LRRC4C: variants seen among roughly 807,000 people sequenced by gnomAD.
LRRC4C encodes the protein leucine rich repeat containing 4C, also known as leucine-rich repeat-containing protein 4C.
A neutral mutation model predicts 33.6 loss-of-function variants in LRRC4C; 5 were observed. The observed-to-expected ratio is 0.15, with a 90% CI of 0.08 to 0.31. The LOEUF (loss-of-function observed/expected upper bound fraction) is 0.31. Ranked by LOEUF, LRRC4C falls within the 10% of genes least tolerant of loss-of-function variation. The pLI, the probability that LRRC4C is intolerant of heterozygous loss-of-function variation, is 1.00. For synonymous variants in LRRC4C, 329 were observed against 302.0 expected, an observed-to-expected ratio of 1.09 and a Z score of -0.93; for missense variants, 560 against 796.7, an observed-to-expected ratio of 0.70 and a Z score of 3.58.
chr11:41,457,092 T>C (rs1159198173), intron 1 of LRRC4C, among the ~76,000 whole-genome samples: 1 of 152,210 alleles, frequency 6.6e-6, no homozygotes, highest in Non-Finnish European at 1.5e-5. Context: ...ACCAAGTTGG[T>C]ATCTTTTGTT....
At chr11:41,334,319 T>C (rs996279486) in intron 1 of LRRC4C, among the ~76,000 whole-genome samples, 3 of 152,230 alleles carry the variant, frequency 2.0e-5, no homozygotes, top group African/African-American at 7.2e-5. Flanking sequence ...AGCCTTTACC[T>C]GTGTTTTCTA....
intron 3 of LRRC4C, among the ~76,000 whole-genome samples, chr11:40,597,505 C>G (rs1959474467): frequency 6.6e-6 from 1 of 152,146 alleles, no homozygotes; most frequent in African/African-American, 2.4e-5. Flanking sequence ...CACTTCTCAT[C>G]ATTTTTAAGC....
chr11:41,102,509 C>T (rs183417317), intron 1 of LRRC4C, among the ~76,000 whole-genome samples: 2 of 151,950 alleles, frequency 1.3e-5, no homozygotes, highest in African/African-American at 2.4e-5. Flanking sequence ...AACCACAGGA[C>T]CTTCTGGCTA....
At chr11:40,210,626 T>G (rs1863526473) in intron 5 of LRRC4C, among the ~76,000 whole-genome samples, 1 of 152,190 alleles carries the variant, frequency 6.6e-6, no homozygotes, top group African/African-American at 2.4e-5. Flanking sequence ...CAACTCACCC[T>G]TTCCATCCTG....
At chr11:40,574,755 A>C (rs1472280203) in intron 3 of LRRC4C, among the ~76,000 whole-genome samples, 1 of 151,998 alleles carries the variant, frequency 6.6e-6, no homozygotes, top group East Asian at 1.9e-4. Flanking sequence ...TCTCCATACA[A>C]CAGGAGACAT....
chr11:40,665,270 C>T (rs1300375804), intron 2 of LRRC4C, among the ~76,000 whole-genome samples: 1 of 117,916 alleles, frequency 8.5e-6, no homozygotes, highest in Non-Finnish European at 1.8e-5. Flanking sequence ...AAACAACCAG[C>T]TTGAGAAGAA....
At chr11:41,131,767 G>T (rs866457301) in intron 1 of LRRC4C, among the ~76,000 whole-genome samples, 2 of 152,038 alleles carry the variant, frequency 1.3e-5, no homozygotes, top group African/African-American at 4.8e-5. Flanking sequence ...GACCAAGATG[G>T]CAATAAAAGT....
intron 5 of LRRC4C, among the ~76,000 whole-genome samples, chr11:40,150,737 C>A (rs1858131705): frequency 6.6e-6 from 1 of 152,164 alleles, no homozygotes. Flanking sequence ...CCACCGTGCC[C>A]AGCCTGATTT....
intron 1 of LRRC4C, among the ~76,000 whole-genome samples, chr11:41,249,192 G>A (rs1049367125): frequency 1.9e-4 from 29 of 151,856 alleles, no homozygotes; most frequent in African/African-American, 6.5e-4. Context: ...CTGCCACCAC[G>A]CCTGGCTAAT....
chr11:40,313,032 C>A (rs969283463), intron 4 of LRRC4C, among the ~76,000 whole-genome samples: 1 of 152,102 alleles, frequency 6.6e-6, no homozygotes, highest in African/African-American at 2.4e-5. Flanking sequence ...GTGGTCTTAG[C>A]TTTACTTTAC....
At position 40,741,434 on chromosome 11, in the gene LRRC4C, G is replaced by T. The variant is rs546116324; in HGVS notation, c.-406-93156C>A. On this transcript the variant is annotated intron_variant, in intron 2 of 6. Coordinates refer to ENST00000528697, the MANE Select transcript of LRRC4C (RefSeq NM_001258419.2). ...GAAGTCCACTGGATGCCTGAACAGCGCATTTTACTTGGGACAACTACCCCA... is the reference window on the plus strand; with the variant it reads ...GAAGTCCACTGGATGCCTGAACAGCTCATTTTACTTGGGACAACTACCCCA... 2.6e-5 allele frequency among the ~76,000 whole-genome samples: 4 copies of T among 151,958 alleles called. No homozygotes were observed. In the East Asian group the frequency reaches 7.7e-4, roughly 29 times the overall value.
At chr11:41,454,329 T>C (rs946350225) in intron 1 of LRRC4C, among the ~76,000 whole-genome samples, 1 of 152,144 alleles carries the variant, frequency 6.6e-6, no homozygotes, top group Admixed American at 6.6e-5. Flanking sequence ...GGAATCTTAA[T>C]TCTTGTTAAC....
chr11:41,442,473 T>C (rs1290042760), intron 1 of LRRC4C, among the ~76,000 whole-genome samples: 3 of 130,706 alleles, frequency 2.3e-5, no homozygotes, highest in African/African-American at 2.9e-5. Flanking sequence ...TTTTTTTTTT[T>C]TTTTTTTTTT....
chr11:40,613,801 G>T (rs1262464341), intron 3 of LRRC4C, among the ~76,000 whole-genome samples: 2 of 151,800 alleles, frequency 1.3e-5, no homozygotes, highest in Non-Finnish European at 2.9e-5. Flanking sequence ...GCAGGCAAAA[G>T]AAATCATTAA....
chr11:40,728,464 T>C (rs1947395722), intron 2 of LRRC4C, among the ~76,000 whole-genome samples: 1 of 148,078 alleles, frequency 6.8e-6, no homozygotes. Context: ...AAAAAAAAAC[T>C]AAAAACAAAA....
chr11:41,393,655 G>A (rs1043317445), intron 1 of LRRC4C, among the ~76,000 whole-genome samples: 13 of 151,866 alleles, frequency 8.6e-5, no homozygotes, highest in Non-Finnish European at 1.6e-4. Flanking sequence ...ATACCTTATG[G>A]GTTGTTATAC....
At chr11:40,376,763 G>A (rs954482545) in intron 3 of LRRC4C, among the ~76,000 whole-genome samples, 3 of 151,868 alleles carry the variant, frequency 2.0e-5, no homozygotes, top group African/African-American at 4.8e-5. Context: ...ATGTGTATCT[G>A]GAGTGGGGGA....
At chr11:40,782,572 T>G (rs887815897) in intron 2 of LRRC4C, among the ~76,000 whole-genome samples, 2 of 152,178 alleles carry the variant, frequency 1.3e-5, no homozygotes, top group African/African-American at 4.8e-5. Context: ...CACTAGAGTT[T>G]CCTATTGTAA....
intron 3 of LRRC4C, among the ~76,000 whole-genome samples, chr11:40,401,457 C>A (rs1949756140): frequency 6.6e-6 from 1 of 152,108 alleles, no homozygotes; most frequent in African/African-American, 2.4e-5. Context: ...TTCATTTACC[C>A]TTTGAGTACC....
Sources: gnomAD v4.1 joint callset for allele counts (sites outside exome capture counted in the v4.1 genomes callset) on GRCh38, gnomAD v4.1.1 for gene constraint, MANE v1.5 for transcripts, NCBI Gene and HGNC (gene_info 2026-07-23, HGNC 2026-07-21) for gene names.